The following NRG1 variants were observed in gnomAD, a reference collection of about 807,000 sequenced individuals.
The protein encoded by NRG1 is neuregulin 1, also known as pro-neuregulin-1, membrane-bound isoform.
In NRG1, 18 loss-of-function variants were observed where a neutral mutation model predicts 63.8. The ratio of observed to expected loss-of-function variants is 0.28; its 90% CI spans 0.19 to 0.42. The LOEUF is 0.42. Ranked by LOEUF, NRG1 falls within the 10% of genes least tolerant of loss-of-function variation. NRG1 has a pLI of 1.00. For missense variants in NRG1, 762 were observed against 814.7 expected (o/e 0.94, Z 0.79); for synonymous variants, 302 against 301.3 (o/e 1.00, Z -0.02).
At chr8:32,588,791 G>C (rs1842054216) in intron 1 of NRG1, among the ~76,000 whole-genome samples, 1 of 152,150 alleles carries the variant, frequency 6.6e-6, no homozygotes, top group Non-Finnish European at 1.5e-5. Flanking sequence ...GAGTCAGCTT[G>C]AGAATATATT....
At chr8:32,124,050 T>G (rs1307167565) in intron 1 of NRG1, among the ~76,000 whole-genome samples, 1 of 142,374 alleles carries the variant, frequency 7.0e-6, no homozygotes, top group African/African-American at 2.8e-5. Context: ...GTTTTCTCTC[T>G]TTTCCCTTTA....
At chr8:31,914,450 A>AT (rs912517023) in intron 1 of NRG1, among the ~76,000 whole-genome samples, 3 of 151,338 alleles carry the variant, frequency 2.0e-5, no homozygotes, top group African/African-American at 7.3e-5. Flanking sequence ...GAGTGTCAAC[A>AT]TTTGAGAAAA....
At chr8:32,586,767 A>T (rs1841687812) in intron 1 of NRG1, among the ~76,000 whole-genome samples, 1 of 152,212 alleles carries the variant, frequency 6.6e-6, no homozygotes, top group Non-Finnish European at 1.5e-5. Context: ...CATGAAATAC[A>T]CACCAGAACT....
intron 1 of NRG1, among the ~76,000 whole-genome samples, chr8:32,523,190 G>C (rs932669092): frequency 1.3e-5 from 2 of 152,176 alleles, no homozygotes; most frequent in African/African-American, 2.4e-5. Context: ...AGTCTCCTTA[G>C]GACATCCCTT....
At chr8:32,419,022 G>A (rs1008911869) in intron 1 of NRG1, among the ~76,000 whole-genome samples, 36 of 152,150 alleles carry the variant, frequency 2.4e-4, no homozygotes, top group African/African-American at 8.7e-4. Flanking sequence ...AATCATCATG[G>A]AAAATAGGTT....
At chr8:32,170,627 C>G (rs1192593948) in intron 1 of NRG1, among the ~76,000 whole-genome samples, 1 of 152,162 alleles carries the variant, frequency 6.6e-6, no homozygotes, top group African/African-American at 2.4e-5. Context: ...TATTCAAAAT[C>G]AAGCTGCTGC....
intron 1 of NRG1, among the ~76,000 whole-genome samples, chr8:32,185,228 C>T (rs1198532060): frequency 6.6e-6 from 1 of 152,098 alleles, no homozygotes; most frequent in African/African-American, 2.4e-5. Flanking sequence ...AACCATAACA[C>T]CGTGAATATA....
At chr8:32,549,308 G>A (rs1745469754) in intron 1 of NRG1, among the ~76,000 whole-genome samples, 1 of 152,260 alleles carries the variant, frequency 6.6e-6, no homozygotes, top group African/African-American at 2.4e-5. Flanking sequence ...AGAAGTGGGT[G>A]GTCGAGCAAG....
intron 1 of NRG1, among the ~76,000 whole-genome samples, chr8:32,381,870 G>A (rs114680294): frequency 6.6e-6 from 1 of 152,130 alleles, no homozygotes; most frequent in Non-Finnish European, 1.5e-5. Flanking sequence ...AGTATAAGCA[G>A]TTAAAACTGA....
At chr8:32,118,895 C>G (rs1422924798) in intron 1 of NRG1, among the ~76,000 whole-genome samples, 1 of 151,890 alleles carries the variant, frequency 6.6e-6, no homozygotes, top group East Asian at 1.9e-4. Flanking sequence ...GAAAAGAGAC[C>G]AAAGAGCCAT....
At chr8:32,734,916 G>A (rs1028125939) in intron 6 of NRG1, among the ~76,000 whole-genome samples, 11 of 152,104 alleles carry the variant, frequency 7.2e-5, no homozygotes, top group Admixed American at 2.6e-4. Context: ...ACAAAGTAGT[G>A]AACAAAACCA....
intron 1 of NRG1, among the ~76,000 whole-genome samples, chr8:32,221,502 G>A (rs1485941128): frequency 6.6e-6 from 1 of 152,028 alleles, no homozygotes; most frequent in Non-Finnish European, 1.5e-5. Flanking sequence ...AGTAAGATGG[G>A]GTAAGGCAAA....
At chr8:32,299,721 G>A (rs1369551031) in intron 1 of NRG1, among the ~76,000 whole-genome samples, 2 of 152,114 alleles carry the variant, frequency 1.3e-5, no homozygotes, top group East Asian at 3.9e-4. Flanking sequence ...CTTACATAGA[G>A]GCAGTCAAGA....
intron 7 of NRG1, among the ~76,000 whole-genome samples, chr8:32,752,644 T>C (rs1013656692): frequency 6.6e-6 from 1 of 152,196 alleles, no homozygotes; most frequent in South Asian, 2.1e-4. Flanking sequence ...TCAGGCATGC[T>C]GTGCCAGGGA....
intron 1 of NRG1, among the ~76,000 whole-genome samples, chr8:31,896,628 C>G (rs575033925): frequency 1.1e-4 from 17 of 152,318 alleles, no homozygotes; most frequent in Admixed American, 7.2e-4. Context: ...CGCCCACTTC[C>G]AGGTTTCTGA....
chr8:31,728,863 A>G (rs1200916138), intron 1 of NRG1, among the ~76,000 whole-genome samples: 4 of 152,154 alleles, frequency 2.6e-5, no homozygotes, highest in Admixed American at 2.6e-4. Flanking sequence ...GTTTCAAAAC[A>G]TGTTGGTGTA....
intron 1 of NRG1, among the ~76,000 whole-genome samples, chr8:32,121,411 G>A (rs1833429553): frequency 6.6e-6 from 1 of 151,894 alleles, no homozygotes; most frequent in African/African-American, 2.4e-5. Flanking sequence ...GTGTGTGTGT[G>A]TGTGTGTGTG....
At chr8:32,574,496 C>T (rs925617301) in intron 1 of NRG1, among the ~76,000 whole-genome samples, 6 of 152,214 alleles carry the variant, frequency 3.9e-5, no homozygotes, top group Admixed American at 3.3e-4. Context: ...TAGGAGGTGA[C>T]TGGATCATGG....
chr8:31,716,809 G>A (rs995557737), intron 1 of NRG1, among the ~76,000 whole-genome samples: 1 of 152,094 alleles, frequency 6.6e-6, no homozygotes, highest in Non-Finnish European at 1.5e-5. Flanking sequence ...AAACAGTAAC[G>A]CTATCAGAGA....
Sources: gnomAD v4.1 joint callset for allele counts (sites outside exome capture counted in the v4.1 genomes callset) on GRCh38, gnomAD v4.1.1 for gene constraint, MANE v1.5 for transcripts, NCBI Gene and HGNC (gene_info 2026-07-23, HGNC 2026-07-21) for gene names.